CACNA2D2: variants seen among roughly 807,000 people sequenced by gnomAD.
CACNA2D2 encodes calcium voltage-gated channel auxiliary subunit alpha2delta 2, also known as voltage-dependent calcium channel subunit alpha-2/delta-2.
In CACNA2D2, 48 loss-of-function variants were observed where a neutral mutation model predicts 166.4. The ratio of observed to expected loss-of-function variants is 0.29; its 90% confidence interval spans 0.23 to 0.37. CACNA2D2 has a LOEUF of 0.37. Ranked by LOEUF, CACNA2D2 falls within the 10% of genes least tolerant of loss-of-function variation. CACNA2D2 has a pLI of 1.00. For synonymous variants in CACNA2D2, 561 were observed against 573.7 expected, an observed-to-expected ratio of 0.98 and a Z score of 0.32; for missense variants, 1,122 against 1,433.0, an observed-to-expected ratio of 0.78 and a Z score of 3.50.
At chr3:50,409,744 C>T (rs1387632618) in intron 3 of CACNA2D2, among the ~76,000 whole-genome samples, 1 of 152,194 alleles carries the variant, frequency 6.6e-6, no homozygotes, top group Admixed American at 6.5e-5. Flanking sequence ...CCCTACTTGC[C>T]GATTAGCCCA....
At chr3:50,439,614 C>T (rs886876726) in intron 2 of CACNA2D2, among the ~76,000 whole-genome samples, 3 of 152,222 alleles carry the variant, frequency 2.0e-5, no homozygotes, top group African/African-American at 7.2e-5. Context: ...TCCATTAGGC[C>T]CCTGCAGGGA....
At chr3:50,428,097 A>C (rs1707887572) in intron 3 of CACNA2D2, among the ~76,000 whole-genome samples, 1 of 152,052 alleles carries the variant, frequency 6.6e-6, no homozygotes, top group Non-Finnish European at 1.5e-5. Flanking sequence ...CCGTTAGGCC[A>C]GTGGTTCTCA....
chr3:50,410,731 G>A (rs1307594296), intron 3 of CACNA2D2, among the ~76,000 whole-genome samples: 1 of 152,246 alleles, frequency 6.6e-6, no homozygotes, highest in East Asian at 1.9e-4. Context: ...CAGGCCTCTT[G>A]GGTGTCCACG....
chr3:50,453,944 G>A (rs1378559495), intron 2 of CACNA2D2, among the ~76,000 whole-genome samples: 1 of 151,114 alleles, frequency 6.6e-6, no homozygotes, highest in African/African-American at 2.4e-5. Flanking sequence ...GACCAGGCCC[G>A]GGTCCTGCAT....
At chr3:50,404,730 T>C (rs1229054622) in intron 3 of CACNA2D2, among the ~76,000 whole-genome samples, 1 of 152,220 alleles carries the variant, frequency 6.6e-6, no homozygotes, top group Non-Finnish European at 1.5e-5. Context: ...AGGAGGTCAG[T>C]GAGCATTACA....
At chr3:50,461,122 G>A (rs536464120) in intron 2 of CACNA2D2, among the ~76,000 whole-genome samples, 1 of 152,286 alleles carries the variant, frequency 6.6e-6, no homozygotes, top group East Asian at 1.9e-4. Flanking sequence ...GCACTGAGTG[G>A]TAAGAAATGA....
chr3:50,387,990 A>G (rs1447727244), intron 4 of CACNA2D2, among the ~76,000 whole-genome samples: 2 of 152,172 alleles, frequency 1.3e-5, no homozygotes, highest in African/African-American at 2.4e-5. Flanking sequence ...GGAGGGAAAT[A>G]ATGACTCGAC....
intron 2 of CACNA2D2, among the ~76,000 whole-genome samples, chr3:50,447,334 C>A (rs1315156165): frequency 2.0e-5 from 3 of 152,200 alleles, no homozygotes; most frequent in Non-Finnish European, 4.4e-5. Flanking sequence ...CCCATGGGGT[C>A]TTGGAGGCGA....
chr3:50,422,044 C>T (rs1359549750), intron 3 of CACNA2D2, among the ~76,000 whole-genome samples: 5 of 152,140 alleles, frequency 3.3e-5, no homozygotes, highest in Admixed American at 2.0e-4. Context: ...CAGAGATCCC[C>T]TGACCCAAAG....
chr3:50,452,453 G>A (rs1192930054), intron 2 of CACNA2D2, among the ~76,000 whole-genome samples: 1 of 152,224 alleles, frequency 6.6e-6, no homozygotes, highest in Non-Finnish European at 1.5e-5. Context: ...ACCTCTCCAT[G>A]GAGGCAGGGG....
rs533423912 is a variant in CACNA2D2 at position 50,392,923 on chromosome 3, A to G, written c.465+1186T>C. Among the ~76,000 whole-genome samples, 10 of 152,270 alleles carry G rather than the reference A, an allele frequency of 6.6e-5. No homozygotes were observed. The South Asian group carries it at 2.1e-3, about 32-fold the overall frequency. ...TGTTCACCTTAGAAAATAATCTTTCATTTCCAATCTCATGTGAACTCCCTG... is the reference window on the plus strand; with the variant it reads ...TGTTCACCTTAGAAAATAATCTTTCGTTTCCAATCTCATGTGAACTCCCTG... On this transcript the variant is annotated intron_variant, in intron 4 of 37. Transcript: ENST00000424201.
chr3:50,460,889 C>T (rs538750261), intron 2 of CACNA2D2, among the ~76,000 whole-genome samples: 8 of 151,828 alleles, frequency 5.3e-5, no homozygotes, highest in Admixed American at 5.2e-4. Context: ...CAAAAGACAT[C>T]CTGGAAATTT....
intron 3 of CACNA2D2, among the ~76,000 whole-genome samples, chr3:50,409,040 G>C (rs1706862770): frequency 6.6e-6 from 1 of 152,242 alleles, no homozygotes; most frequent in African/African-American, 2.4e-5. Flanking sequence ...AGCCCATTGG[G>C]CTGGACTTTC....
intron 17 of CACNA2D2, 146 bp downstream of exon 17, chr3:50,377,321 C>G: frequency 1.5e-6 from 1 of 655,456 alleles, no homozygotes; most frequent in East Asian, 2.7e-5. Flanking sequence ...GTTCTAGACC[C>G]AAGGTCACCT....
At position 50,367,420 on chromosome 3, in the gene CACNA2D2, T is replaced by A; in HGVS notation, c.2375A>T (p.Tyr792Phe). The A allele has an allele frequency of 6.2e-7, 1 of 1,613,810 alleles. No homozygotes were observed. The highest frequency in any genetic ancestry group is 1.1e-5 in the South Asian group (1 of 91,076). Residue 792 changes from tyrosine (Y) to phenylalanine (F), a missense_variant, in exon 27 of 38, where the codon TAT (tyrosine) becomes TTT (phenylalanine). Physicochemically the swap from Tyr to Phe is conservative, Grantham distance 22 (BLOSUM62 3). This residue lies in a region of CACNA2D2 where 840 missense variants were observed against 1,166.8 expected (regional missense o/e 0.72). Transcript: ENST00000424201. The surrounding 1 kb of genome is among the most constrained non-coding windows in gnomAD (Gnocchi z 6.5). The part of the protein sequence containing the change: ...FYRRSLDNHG[Y>F]VFKPPHQDAL... Reference sequence around the variant, plus strand: ...ATCCTGGTGTGGGGGCTTGAAGACATAACCGTGGTTATCCAGGCTGCGGCG... The same window carrying A: ...ATCCTGGTGTGGGGGCTTGAAGACAAAACCGTGGTTATCCAGGCTGCGGCG...
chr3:50,392,982 A>T (rs2106725364), intron 4 of CACNA2D2, among the ~76,000 whole-genome samples: 1 of 152,286 alleles, frequency 6.6e-6, no homozygotes, highest in African/African-American at 2.4e-5. Context: ...GGGGTAAAGG[A>T]AGAGTGCCAT....
rs1704366135 is a variant in CACNA2D2, at chr3:50,367,307, C to T, written c.2401+87G>A. Reference sequence around the variant, plus strand: ...AGCCAGCCTTGTGTTGGAGAGGGGCCTCAGACAGCAGAGCCCAGTTCTGGC... The same window carrying T: ...AGCCAGCCTTGTGTTGGAGAGGGGCTTCAGACAGCAGAGCCCAGTTCTGGC... On this transcript the variant is annotated intron_variant, in intron 27 of 37. Coordinates refer to ENST00000424201, the MANE Select transcript of CACNA2D2 (RefSeq NM_006030.4). This position sits in a 1 kb window ranked among gnomAD's most constrained non-coding sequence, Gnocchi z 6.5. The T allele has an allele frequency of 7.7e-7, 1 of 1,295,296 alleles. No individual in the cohort carries two copies. The highest frequency in any genetic ancestry group is 1.1e-6 in the Non-Finnish European group (1 of 903,098). 80.2% of individuals were successfully genotyped at this position (1,295,296 alleles called of 1,614,324 possible). A position where few individuals can be genotyped will look rare whatever the true frequency, so the allele number is the denominator to read the frequency against.
At chr3:50,433,574 T>C (rs983336247) in intron 3 of CACNA2D2, among the ~76,000 whole-genome samples, 4 of 152,152 alleles carry the variant, frequency 2.6e-5, no homozygotes, top group Non-Finnish European at 5.9e-5. Flanking sequence ...GCAACTGCAG[T>C]TATGCCTCTG....
At chr3:50,486,646 G>A (rs1264658769) in intron 1 of CACNA2D2, among the ~76,000 whole-genome samples, 1 of 152,072 alleles carries the variant, frequency 6.6e-6, no homozygotes, top group Non-Finnish European at 1.5e-5. Context: ...TCCTCTACCT[G>A]GCCAAGTCAC....
Sources: allele counts gnomAD v4.1 joint callset (sites outside exome capture counted in the v4.1 genomes callset), GRCh38; gene constraint gnomAD v4.1.1; regional missense constraint gnomAD v4.1.1; non-coding constraint Gnocchi (gnomAD v3.1); transcripts MANE v1.5; gene names NCBI Gene and HGNC (gene_info 2026-07-23, HGNC 2026-07-21).